EFCAB6: variants seen among roughly 807,000 people sequenced by gnomAD.
The protein encoded by EFCAB6 is EF-hand calcium binding domain 6.
A neutral mutation model predicts 169.8 loss-of-function variants in EFCAB6; 156 were observed. That is an observed-to-expected ratio of 0.92 (90% CI 0.81 to 1.05). The LOEUF is 1.05. Ranked by LOEUF, EFCAB6 falls within the 50% of genes least tolerant of loss-of-function variation. The pLI, the probability that EFCAB6 is intolerant of heterozygous loss-of-function variation, is 0.00. For synonymous variants in EFCAB6, 698 were observed against 676.4 expected (o/e 1.03, Z -0.50); for missense variants, 1,800 against 1,829.1 (o/e 0.98, Z 0.29).
chr22:43,806,477 C>A (rs560659694), intron 2 of EFCAB6, among the ~76,000 whole-genome samples: 1 of 152,134 alleles, frequency 6.6e-6, no homozygotes, highest in Admixed American at 6.5e-5. Context: ...AATTTCTGGG[C>A]TCAAGTGATT....
intron 3 of EFCAB6, 131 bp from the exon 4 acceptor site, chr22:43,773,234 G>A: frequency 1.2e-6 from 1 of 848,966 alleles, no homozygotes; most frequent in Middle Eastern, 3.6e-4. Flanking sequence ...AGGTTTACGT[G>A]TATCACCGTT....
At chr22:43,786,323 AC>A (rs764734364) in intron 2 of EFCAB6, among the ~76,000 whole-genome samples, 1 of 152,158 alleles carries the variant, frequency 6.6e-6, no homozygotes, top group African/African-American at 2.4e-5. Flanking sequence ...AGATCAATTC[AC>A]CTAACGCTTC....
chr22:43,791,811 A>T (rs1329821600), intron 2 of EFCAB6, among the ~76,000 whole-genome samples: 1 of 152,202 alleles, frequency 6.6e-6, no homozygotes. Context: ...GGGGAGAAAC[A>T]GTAGAGCTGA....
chr22:43,690,343 C>CA (rs137802), intron 10 of EFCAB6, among the ~76,000 whole-genome samples: 2,923 of 95,762 alleles, frequency 0.031, 54 homozygotes, highest in East Asian at 0.073. Flanking sequence ...ACTAAAAATA[C>CA]AAAAAAAAAA....
At position 43,806,290 on chromosome 22, in the gene EFCAB6, C is replaced by A. The variant is rs556852350; in HGVS notation, c.-8+2705G>T. Among the ~76,000 whole-genome samples the A allele has an allele frequency of 1.7e-4, 26 of 149,972 alleles. No homozygotes were observed. In the South Asian group the frequency reaches 5.5e-3, roughly 32 times the overall value. On this transcript the variant is annotated intron_variant, in intron 2 of 31. Coordinates refer to ENST00000262726, the MANE Select transcript of EFCAB6 (RefSeq NM_022785.4). ...TTTTTTTTTTTTTTTGAGAGGAGGT[C>A]TCACGCTGGAATGCAGTGGTGCAAT... is the stretch of plus-strand genomic sequence containing the variant.
At chr22:43,805,516 T>TA (rs1569497062) in intron 2 of EFCAB6, among the ~76,000 whole-genome samples, 14 of 152,050 alleles carry the variant, frequency 9.2e-5, no homozygotes. Flanking sequence ...TTCATAAAGA[T>TA]AGAGTAAACT....
In EFCAB6 at chr22:43,537,406, T is replaced by C. The variant is rs1167102501; in HGVS notation, c.4019A>G (p.Gln1340Arg). The C allele has an allele frequency of 2.2e-5, 35 of 1,594,538 alleles. No individual in the cohort carries two copies. The highest frequency in any genetic ancestry group is 4.4e-5 in the South Asian group (4 of 90,892). Reference sequence around the variant, plus strand: ...GAAATCGGAGGCGTTGATGTCCCCCTGTCTGGCCACGTCCTTCTCCTTGCA... The same window carrying C: ...GAAATCGGAGGCGTTGATGTCCCCCCGTCTGGCCACGTCCTTCTCCTTGCA... ...KECKEKDVAR[Q>R]GDINASDFLA... The change falls in exon 29 of 32, where the codon CAG (glutamine) becomes CGG (arginine). Residue 1340 changes from glutamine to arginine, a missense_variant. Coordinates refer to ENST00000262726, the MANE Select transcript of EFCAB6 (RefSeq NM_022785.4). This position sits in a 1 kb window ranked among gnomAD's most constrained non-coding sequence, Gnocchi z 4.3.
At chr22:43,750,143 G>A (rs891547840) in intron 6 of EFCAB6, among the ~76,000 whole-genome samples, 8 of 152,014 alleles carry the variant, frequency 5.3e-5, no homozygotes, top group Non-Finnish European at 1.2e-4. Context: ...ACCTTAGTCC[G>A]AAATAATTGC....
chr22:43,735,760 T>G (rs1603298533), intron 7 of EFCAB6, 97 bp downstream of exon 7: 22 of 1,402,568 alleles, frequency 1.6e-5, no homozygotes, highest in Admixed American at 1.5e-4. Flanking sequence ...CAGGGGGAGG[T>G]GAGAGATGGA....
chr22:43,744,004 TG>T lies in EFCAB6; in HGVS notation c.508-8012del, dbSNP rs1167249077. Among the ~76,000 whole-genome samples the T allele has an allele frequency of 6.7e-6, 1 of 150,188 alleles. No individual in the cohort carries two copies. Among genetic ancestry groups the T allele is most frequent in the African/African-American group, 2.4e-5 (1 of 40,842 alleles). ...ATAGATAGGTAAATGGATGAATGAA[TG>T]GATGAAGGGATGAATGATGAATGAA... On this transcript the variant is annotated intron_variant, in intron 6 of 31. Transcript: ENST00000262726. This position sits in a 1 kb window ranked among gnomAD's most constrained non-coding sequence, Gnocchi z 4.3.
In EFCAB6 at chr22:43,660,521, A is replaced by G. The variant is rs562144247; in HGVS notation, c.1983+6583T>C. On this transcript the variant is annotated intron_variant, in intron 17 of 31. Coordinates refer to ENST00000262726, the MANE Select transcript of EFCAB6 (RefSeq NM_022785.4). Reference sequence around the variant, plus strand: ...CCCAATTTTTGTATATAGATATAAAATAAGTATACATATTTATATATTTAT... The same window carrying G: ...CCCAATTTTTGTATATAGATATAAAGTAAGTATACATATTTATATATTTAT... Among the ~76,000 whole-genome samples the G allele has an allele frequency of 3.3e-5, 5 of 151,208 alleles. No individual in the cohort carries two copies. The East Asian group carries it at 9.7e-4, about 29-fold the overall frequency.
intron 19 of EFCAB6, among the ~76,000 whole-genome samples, chr22:43,626,944 T>C (rs1239523218): frequency 2.0e-5 from 3 of 152,172 alleles, no homozygotes; most frequent in African/African-American, 7.2e-5. Context: ...AACAGGCCAC[T>C]TTTCTTTTCC....
rs1397131437 is a variant in EFCAB6, at chr22:43,528,802, C to T, written c.*51G>A. On this transcript the variant is annotated 3_prime_UTR_variant, in exon 32 of 32. Coordinates refer to ENST00000262726, the MANE Select transcript of EFCAB6 (RefSeq NM_022785.4). ...CCCCAAATTATAGGATTTTATTAGC[C>T]TTGAAACAGGCCCTGTGGCTGTCGT... The T allele has an allele frequency of 2.0e-6, 3 of 1,524,698 alleles. No individual in the cohort carries two copies. The highest frequency in any genetic ancestry group is 3.6e-5 in the Admixed American group (2 of 56,288). 94.4% of individuals were successfully genotyped at this position (1,524,698 alleles called of 1,614,324 possible).
chr22:43,555,390 C>T (rs943982032), intron 26 of EFCAB6, among the ~76,000 whole-genome samples: 6 of 152,286 alleles, frequency 3.9e-5, no homozygotes, highest in South Asian at 2.1e-4. Context: ...GAGGGCACAC[C>T]GTTTACTCTC....
intron 27 of EFCAB6, among the ~76,000 whole-genome samples, chr22:43,540,875 AG>A (rs1255818845): frequency 6.6e-6 from 1 of 152,196 alleles, no homozygotes; most frequent in African/African-American, 2.4e-5. Context: ...CAAGATGAAA[AG>A]GGAGGCATTT....
intron 12 of EFCAB6, among the ~76,000 whole-genome samples, chr22:43,680,383 A>G (rs2057955364): frequency 6.6e-6 from 1 of 152,076 alleles, no homozygotes; most frequent in African/African-American, 2.4e-5. Flanking sequence ...AAGTGTAAGT[A>G]TTCTAACTTT....
At chr22:43,724,123 C>G (rs2059635078) in intron 8 of EFCAB6, among the ~76,000 whole-genome samples, 1 of 152,088 alleles carries the variant, frequency 6.6e-6, no homozygotes, top group African/African-American at 2.4e-5. Context: ...CTGCAAGTGG[C>G]CAAAAGTAAC....
At chr22:43,619,338 C>A (rs1440219119) in intron 20 of EFCAB6, among the ~76,000 whole-genome samples, 3 of 152,084 alleles carry the variant, frequency 2.0e-5, no homozygotes, top group African/African-American at 7.2e-5. Flanking sequence ...AAAATAATGA[C>A]CAAAAACAAT....
chr22:43,625,138 A>C (rs2054408181), intron 20 of EFCAB6, among the ~76,000 whole-genome samples: 1 of 152,010 alleles, frequency 6.6e-6, no homozygotes, highest in East Asian at 1.9e-4. Flanking sequence ...AGGGAGAAAA[A>C]TCAGCGTGTA....
Sources: gnomAD v4.1 joint callset for allele counts (sites outside exome capture counted in the v4.1 genomes callset) on GRCh38, gnomAD v4.1.1 for gene constraint, Gnocchi (gnomAD v3.1) non-coding constraint, MANE v1.5 for transcripts, NCBI Gene and HGNC (gene_info 2026-07-23, HGNC 2026-07-21) for gene names.